CLMP: variants seen among roughly 807,000 people sequenced by gnomAD.
The protein encoded by CLMP is CXADR-like membrane protein.
A neutral mutation model predicts 45.2 loss-of-function variants in CLMP; 27 were observed. The observed-to-expected ratio is 0.60, with a 90% CI of 0.44 to 0.82. The LOEUF (loss-of-function observed/expected upper bound fraction) is 0.82. Ranked by LOEUF, CLMP falls within the 40% of genes least tolerant of loss-of-function variation. The pLI, the probability that CLMP is intolerant of heterozygous loss-of-function variation, is 0.00. For missense variants in CLMP, 403 were observed against 448.4 expected (o/e 0.90, Z 0.91); for synonymous variants, 167 against 171.4 (o/e 0.97, Z 0.20).
At chr11:123,157,540 C>T (rs554204346) in intron 1 of CLMP, among the ~76,000 whole-genome samples, 58 of 151,676 alleles carry the variant, frequency 3.8e-4, no homozygotes, top group African/African-American at 1.3e-3. Context: ...GCAACAAGAG[C>T]GAAACCCTGT....
At chr11:123,189,852 A>C (rs920722334) in intron 1 of CLMP, among the ~76,000 whole-genome samples, 1 of 152,082 alleles carries the variant, frequency 6.6e-6, no homozygotes, top group Non-Finnish European at 1.5e-5. Context: ...AATACAAAAA[A>C]TTAGCTGGGC....
chr11:123,178,945 GAT>G (rs1176110803), intron 1 of CLMP, among the ~76,000 whole-genome samples: 3 of 152,200 alleles, frequency 2.0e-5, no homozygotes. Flanking sequence ...GTCTGTTACA[GAT>G]AAATTTAAAA....
At chr11:123,125,137 A>G (rs2135503117) in intron 1 of CLMP, among the ~76,000 whole-genome samples, 1 of 152,250 alleles carries the variant, frequency 6.6e-6, no homozygotes, top group Admixed American at 6.5e-5. Context: ...AGCTCAGGCA[A>G]TCCGCCTGCC....
chr11:123,159,923 T>A (rs1464230002), intron 1 of CLMP, among the ~76,000 whole-genome samples: 2 of 152,232 alleles, frequency 1.3e-5, no homozygotes, highest in East Asian at 3.9e-4. Flanking sequence ...TAATTTTATT[T>A]TTGTAACAAG....
intron 1 of CLMP, among the ~76,000 whole-genome samples, chr11:123,185,046 A>G (rs1861816000): frequency 6.6e-6 from 1 of 152,184 alleles, no homozygotes; most frequent in African/African-American, 2.4e-5. Flanking sequence ...GCCTCTGTAG[A>G]TGAGGCGGCG....
intron 1 of CLMP, among the ~76,000 whole-genome samples, chr11:123,168,084 G>A (rs190880879): frequency 8.5e-5 from 13 of 152,302 alleles, no homozygotes; most frequent in East Asian, 1.9e-4. Flanking sequence ...AATTGGGACC[G>A]GGGAAATCCT....
chr11:123,173,038 C>T (rs1354393308), intron 1 of CLMP, among the ~76,000 whole-genome samples: 1 of 152,240 alleles, frequency 6.6e-6, no homozygotes, highest in Non-Finnish European at 1.5e-5. Context: ...TGAGATGTCA[C>T]ACCTTGCACC....
chr11:123,183,022 A>C (rs903757019), intron 1 of CLMP, among the ~76,000 whole-genome samples: 1 of 152,260 alleles, frequency 6.6e-6, no homozygotes, highest in African/African-American at 2.4e-5. Context: ...CTCTCAGGTC[A>C]GATGATTCAG....
intron 1 of CLMP, among the ~76,000 whole-genome samples, chr11:123,102,382 G>A (rs1245826793): frequency 6.7e-6 from 1 of 148,280 alleles, no homozygotes; most frequent in East Asian, 2.1e-4. Context: ...CCCGGTTCAA[G>A]TGATTCTCCT....
At chr11:123,115,793 AT>A (rs1860712441) in intron 1 of CLMP, among the ~76,000 whole-genome samples, 2 of 152,106 alleles carry the variant, frequency 1.3e-5, no homozygotes, top group Non-Finnish European at 2.9e-5. Context: ...TATATTTTAT[AT>A]TATCTATTGC....
Position 123,150,517 on chromosome 11 carries a change from A to T in CLMP, c.28+44396T>A, listed in dbSNP as rs111986010. Among the ~76,000 whole-genome samples the T allele has an allele frequency of 2.0e-3, 259 of 128,294 alleles. 5 individuals carry two copies. Among genetic ancestry groups the T allele is most frequent in the African/African-American group, 7.6e-3 (232 of 30,476 alleles). The allele number at this position is 128,294 out of a possible 152,430, so 84.2% of individuals were successfully genotyped here. On this transcript the variant is annotated intron_variant, in intron 1 of 6. Transcript: ENST00000448775. ...GAAGGAAGGAAGGAAGGAAGGAAGG[A>T]AGGAAGGAAGGAAAGAAACAAGCAA...
rs1315459445 is a variant in CLMP at position 123,072,275 on chromosome 11, G to T, written c.*1199C>A. On this transcript the variant is annotated 3_prime_UTR_variant, in exon 7 of 7. Transcript: ENST00000448775. ...GGAAGAAATGGAGGAAGTTCCAAGT[G>T]TGGTACAATACTGAACTTCCTTTTA... 6.6e-6 allele frequency: 1 copy of T among 151,782 alleles called. No homozygotes were observed. Among genetic ancestry groups the T allele is most frequent in the Non-Finnish European group, 1.5e-5 (1 of 67,962 alleles). The allele number at this position is 151,782 out of a possible 1,614,324, so 9.4% of individuals were successfully genotyped here.
At chr11:123,158,394 A>C (rs1246852330) in intron 1 of CLMP, among the ~76,000 whole-genome samples, 1 of 152,204 alleles carries the variant, frequency 6.6e-6, no homozygotes, top group Non-Finnish European at 1.5e-5. Context: ...AGTGGTGGCG[A>C]ATTCAGGATC....
At chr11:123,118,131 C>G (rs1189481270) in intron 1 of CLMP, among the ~76,000 whole-genome samples, 1 of 151,886 alleles carries the variant, frequency 6.6e-6, no homozygotes. Flanking sequence ...CTGCAATAAA[C>G]TTTTTTTTCT....
Position 123,119,462 on chromosome 11 carries a change from A to T in CLMP, c.29-21510T>A, listed in dbSNP as rs563046937. On this transcript the variant is annotated intron_variant, in intron 1 of 6. Transcript: ENST00000448775. ...GTAGACCTGGTGTGCTTACAGGGGT[A>T]ACGAAGAACAAGAAATCACCCAAGT... is the stretch of plus-strand genomic sequence containing the variant. Among the ~76,000 whole-genome samples the T allele has an allele frequency of 6.6e-5, 10 of 152,286 alleles. No homozygotes were observed. The South Asian group carries it at 1.7e-3, about 25-fold the overall frequency.
intron 1 of CLMP, among the ~76,000 whole-genome samples, chr11:123,120,006 C>T (rs866169023): frequency 5.9e-5 from 9 of 152,260 alleles, no homozygotes; most frequent in Middle Eastern, 3.4e-3. Flanking sequence ...ATCTTTATTC[C>T]TGGAGTTGTA....
At chr11:123,164,600 G>A (rs1226703783) in intron 1 of CLMP, among the ~76,000 whole-genome samples, 1 of 151,950 alleles carries the variant, frequency 6.6e-6, no homozygotes, top group Non-Finnish European at 1.5e-5. Flanking sequence ...CACCATGCCT[G>A]GCTTGATTTT....
At chr11:123,102,279 GTTTT>G (rs1174991262) in intron 1 of CLMP, among the ~76,000 whole-genome samples, 1 of 120,920 alleles carries the variant, frequency 8.3e-6, no homozygotes. Flanking sequence ...ATCTTTCCAG[GTTTT>G]TTTTTTTTTT....
rs765578564 is a variant in CLMP at position 123,073,683 on chromosome 11, G to A, written c.913C>T (p.Arg305Cys). Reference protein sequence around the residue: ...RSSRSGSSSTRSTANSASRSQ... With the variant: ...RSSRSGSSSTCSTANSASRSQ... ...CGTGAGGCACTATTTGCTGTGGAGC[G>A]AGTGGAGGAAGAACCAGAGCGTGAG... The change falls in exon 7 of 7, where the codon CGC becomes TGC. Residue 305 changes from arginine to cysteine, a missense_variant. By Grantham distance (180) the Arg-to-Cys change is radical. Coordinates refer to ENST00000448775, the MANE Select transcript of CLMP (RefSeq NM_024769.5). The A allele has an allele frequency of 2.4e-5, 38 of 1,614,090 alleles. No homozygotes were observed. Among genetic ancestry groups the A allele is most frequent in the Admixed American group, 1.2e-4 (7 of 60,002 alleles).
Sources: allele counts gnomAD v4.1 joint callset (sites outside exome capture counted in the v4.1 genomes callset), GRCh38; gene constraint gnomAD v4.1.1; transcripts MANE v1.5; gene names NCBI Gene and HGNC (gene_info 2026-07-23, HGNC 2026-07-21).